MED12L: variants seen among roughly 807,000 people sequenced by gnomAD.
MED12L encodes the protein mediator complex subunit 12L.
Under a neutral mutation model 281.3 loss-of-function variants are expected in MED12L, and 60 were observed. That is an observed-to-expected ratio of 0.21 (90% CI 0.17 to 0.26). The LOEUF (loss-of-function observed/expected upper bound fraction) is 0.26. Among genes scored for constraint, MED12L ranks in the 10% least tolerant of loss-of-function variants. The pLI is 1.00. For synonymous variants in MED12L, 974 were observed against 987.2 expected (o/e 0.99, Z 0.25); for missense variants, 2,146 against 2,680.9 (o/e 0.80, Z 4.41).
In MED12L at chr3:151,185,553, T is replaced by C. The variant is rs935423525; in HGVS notation, c.1626+92T>C. Reference sequence around the variant, plus strand: ...TTTTCTCTTACCCTCATTATGTTATTCTTTTGCTCTTGAGGAAAAAAGGGA... The same window carrying C: ...TTTTCTCTTACCCTCATTATGTTATCCTTTTGCTCTTGAGGAAAAAAGGGA... On this transcript the variant is annotated intron_variant, in intron 12 of 44. Coordinates refer to ENST00000687756, the MANE Select transcript of MED12L (RefSeq NM_001393769.1). The C allele has an allele frequency of 5.9e-6, 8 of 1,361,752 alleles. No homozygotes were observed. The African/African-American group carries it at 1.0e-4, about 17-fold the overall frequency. 84.4% of individuals were successfully genotyped at this position (1,361,752 alleles called of 1,614,324 possible).
At chr3:151,314,267 A>G (rs937961463) in intron 16 of MED12L, among the ~76,000 whole-genome samples, 2 of 152,242 alleles carry the variant, frequency 1.3e-5, no homozygotes, top group African/African-American at 4.8e-5. Context: ...ATGAAACAAA[A>G]TATGTTAATT....
rs146830524 is a variant in MED12L, at chr3:151,089,001, G to A, written c.99+1976G>A. Reference sequence around the variant, plus strand: ...ATGGAACAGGTGCTTGGCTGTTCTTGGGTGGTTGGTGAGTAGAGTTTCCTA... The same window carrying A: ...ATGGAACAGGTGCTTGGCTGTTCTTAGGTGGTTGGTGAGTAGAGTTTCCTA... On this transcript the variant is annotated intron_variant, in intron 2 of 44. Coordinates refer to ENST00000687756, the MANE Select transcript of MED12L (RefSeq NM_001393769.1). Among the ~76,000 whole-genome samples, 9 of 152,234 alleles carry A rather than the reference G, an allele frequency of 5.9e-5. No individual in the cohort carries two copies. In the East Asian group the frequency reaches 1.5e-3, roughly 26 times the overall value.
chr3:151,100,661 G>A (rs1451382845), intron 2 of MED12L, among the ~76,000 whole-genome samples: 4 of 152,130 alleles, frequency 2.6e-5, no homozygotes, highest in African/African-American at 4.8e-5. Context: ...TTGACAGTAT[G>A]GAGTCAGAGT....
chr3:151,088,905 A>G (rs888847275), intron 2 of MED12L, among the ~76,000 whole-genome samples: 2 of 152,156 alleles, frequency 1.3e-5, no homozygotes, highest in Non-Finnish European at 2.9e-5. Context: ...CCTTTCCCCC[A>G]AGGCAGCCAA....
Position 151,089,245 on chromosome 3 carries a change from C to T in MED12L, c.99+2220C>T, listed in dbSNP as rs897830668. On this transcript the variant is annotated intron_variant, in intron 2 of 44. Coordinates refer to ENST00000687756, the MANE Select transcript of MED12L (RefSeq NM_001393769.1). ...ACTATTTTTAATCTATTTGATATTA[C>T]ATGCACACACGTATATGATTATACA... is the stretch of plus-strand genomic sequence containing the variant. Among the ~76,000 whole-genome samples the T allele has an allele frequency of 2.0e-5, 3 of 152,196 alleles. No individual in the cohort carries two copies. In the South Asian group the frequency reaches 6.2e-4, roughly 32 times the overall value.
chr3:151,160,020 C>A lies in MED12L; in HGVS notation c.1026C>A (p.Ser342Arg). The A allele has an allele frequency of 6.2e-7, 1 of 1,614,160 alleles. No homozygotes were observed. The highest frequency in any genetic ancestry group is 1.7e-5 in the Admixed American group (1 of 60,034). Reference sequence around the variant, plus strand: ...CTGGCCCCCCCGGCCCTGGCATGAGCCCCGTGCAGCTGGCCTTCTCAGATT... The same window carrying A: ...CTGGCCCCCCCGGCCCTGGCATGAGACCCGTGCAGCTGGCCTTCTCAGATT... ...PSPGPPGPGM[S>R]PVQLAFSDFL... is the part of the protein sequence containing the mutation. The change falls in exon 8 of 45, where the codon AGC becomes AGA. Residue 342 changes from serine to arginine, a missense_variant. Physicochemically the swap from Ser to Arg is moderately radical, Grantham distance 110 (BLOSUM62 -1). This residue lies in a region of MED12L where 722 missense variants were observed against 861.2 expected (regional missense o/e 0.84). Coordinates refer to ENST00000687756, the MANE Select transcript of MED12L (RefSeq NM_001393769.1).
chr3:151,107,073 T>C (rs1313170425), intron 2 of MED12L, among the ~76,000 whole-genome samples: 2 of 146,500 alleles, frequency 1.4e-5, no homozygotes, highest in Non-Finnish European at 3.0e-5. Context: ...ATTTTACTAT[T>C]TGTTTTCTGT....
intron 11 of MED12L, among the ~76,000 whole-genome samples, chr3:151,171,170 G>T (rs185032321): frequency 6.6e-6 from 1 of 152,156 alleles, no homozygotes; most frequent in South Asian, 2.1e-4. Flanking sequence ...TGATGGAGGT[G>T]GCAAATCCTG....
chr3:151,156,074 T>A, intron 5 of MED12L, 87 bp from the exon 6 acceptor site: 1 of 1,170,648 alleles, frequency 8.5e-7, no homozygotes, highest in South Asian at 1.5e-5. Flanking sequence ...CAGTACACCC[T>A]CGAGATAATC....
intron 16 of MED12L, among the ~76,000 whole-genome samples, chr3:151,304,955 G>C (rs111696555): frequency 1.1e-4 from 16 of 152,264 alleles, no homozygotes; most frequent in African/African-American, 3.6e-4. Flanking sequence ...TGTTTATGCT[G>C]AGATGGCTGT....
chr3:151,297,369 C>G (rs184254912), intron 16 of MED12L, among the ~76,000 whole-genome samples: 1 of 152,038 alleles, frequency 6.6e-6, no homozygotes, highest in Non-Finnish European at 1.5e-5. Context: ...ATTAATTTAC[C>G]CAATTAAATG....
chr3:151,297,682 C>G (rs1745290179), intron 16 of MED12L, among the ~76,000 whole-genome samples: 1 of 152,070 alleles, frequency 6.6e-6, no homozygotes, highest in African/African-American at 2.4e-5. Flanking sequence ...TGCAAGAACC[C>G]CTACTTCACA....
In MED12L at chr3:151,350,074, C is replaced by A; in HGVS notation, c.2266C>A (p.His756Asn). Reference sequence around the variant, plus strand: ...TGTTTTTCAGGATGAATCTTCAAGTCATGAATGTAACCAGCGCACAATCCT... The same window carrying A: ...TGTTTTTCAGGATGAATCTTCAAGTAATGAATGTAACCAGCGCACAATCCT... ...FPIPLDESSSHECNQRTILLY... is the reference protein window; with the variant it reads ...FPIPLDESSSNECNQRTILLY... Residue 756 changes from histidine (H) to asparagine (N), a missense_variant, in exon 17 of 45, where the codon CAT becomes AAT. By Grantham distance (68) the His-to-Asn change is moderately conservative (BLOSUM62 1). Coordinates refer to ENST00000687756, the MANE Select transcript of MED12L (RefSeq NM_001393769.1). 1 of 1,610,600 alleles carries A rather than the reference C, an allele frequency of 6.2e-7. No individual in the cohort carries two copies. Among genetic ancestry groups the A allele is most frequent in the South Asian group, 1.1e-5 (1 of 90,718 alleles).
At chr3:151,423,382 G>C (rs565574004) in intron 43 of MED12L, among the ~76,000 whole-genome samples, 1 of 152,120 alleles carries the variant, frequency 6.6e-6, no homozygotes, top group Admixed American at 6.5e-5. Flanking sequence ...AGTGACTCAG[G>C]GCAGAAATTA....
intron 38 of MED12L, among the ~76,000 whole-genome samples, chr3:151,391,104 A>G: frequency 6.6e-6 from 1 of 152,238 alleles, no homozygotes; most frequent in East Asian, 1.9e-4. Flanking sequence ...CAGTGGACCC[A>G]GTTTTGGATG....
chr3:151,265,238 T>C (rs1220895280), intron 16 of MED12L, among the ~76,000 whole-genome samples: 3 of 152,212 alleles, frequency 2.0e-5, no homozygotes, highest in Non-Finnish European at 4.4e-5. Flanking sequence ...GAATATAATG[T>C]ACGATGCTCT....
intron 16 of MED12L, among the ~76,000 whole-genome samples, chr3:151,232,194 C>CT (rs1332627397): frequency 6.6e-6 from 1 of 152,130 alleles, no homozygotes; most frequent in East Asian, 1.9e-4. Context: ...TTTCTTTTCT[C>CT]TTTCTATATA....
chr3:151,170,274 T>C (rs1721261021), intron 11 of MED12L, among the ~76,000 whole-genome samples: 1 of 151,134 alleles, frequency 6.6e-6, no homozygotes, highest in African/African-American at 2.4e-5. Flanking sequence ...TTTTTTTCTT[T>C]TTCTTTTTTT....
intron 10 of MED12L, 117 bp from the exon 11 acceptor site, chr3:151,165,729 C>A: frequency 8.8e-7 from 1 of 1,132,336 alleles, no homozygotes; most frequent in South Asian, 1.5e-5. Flanking sequence ...ATAACATATG[C>A]CAAGAATGAT....
Sources: gnomAD v4.1 joint callset for allele counts (sites outside exome capture counted in the v4.1 genomes callset) on GRCh38, gnomAD v4.1.1 for gene constraint, gnomAD v4.1.1 regional missense constraint, MANE v1.5 for transcripts, NCBI Gene and HGNC (gene_info 2026-07-23, HGNC 2026-07-21) for gene names.